LDAH: variants seen among roughly 807,000 people sequenced by gnomAD.
The protein encoded by LDAH is lipid droplet associated hydrolase, also known as lipid droplet-associated hydrolase.
Under a neutral mutation model 29.6 loss-of-function variants are expected in LDAH, and 26 were observed. The ratio of observed to expected loss-of-function variants is 0.88; its 90% CI spans 0.64 to 1.22. LDAH has a LOEUF of 1.22. LDAH is among the 50% of genes most tolerant of loss of function. The pLI is 0.00. For missense variants in LDAH, 344 were observed against 387.3 expected (o/e 0.89, Z 0.94); for synonymous variants, 117 against 133.0 (o/e 0.88, Z 0.83).
intron 1 of LDAH, among the ~76,000 whole-genome samples, chr2:20,816,928 A>C (rs1672892861): frequency 6.6e-6 from 1 of 152,060 alleles, no homozygotes. Flanking sequence ...GTAAATCACC[A>C]AACACTTGGA....
At chr2:20,784,373 C>G (rs1427243440) in intron 3 of LDAH, among the ~76,000 whole-genome samples, 1 of 152,138 alleles carries the variant, frequency 6.6e-6, no homozygotes, top group African/African-American at 2.4e-5. Flanking sequence ...CACCACTGCA[C>G]TCCAGCCTGG....
intron 1 of LDAH, among the ~76,000 whole-genome samples, chr2:20,814,034 C>A (rs1672676471): frequency 6.6e-6 from 1 of 152,076 alleles, no homozygotes; most frequent in South Asian, 2.1e-4. Flanking sequence ...TACTTCTAAA[C>A]CTTTAATCCA....
chr2:20,697,673 C>G (rs1663591531), intron 6 of LDAH, among the ~76,000 whole-genome samples: 1 of 152,200 alleles, frequency 6.6e-6, no homozygotes, highest in African/African-American at 2.4e-5. Context: ...AGTGCCTAAG[C>G]CACAACATCA....
At chr2:20,790,056 T>C (rs1249196931) in intron 3 of LDAH, among the ~76,000 whole-genome samples, 199 bp downstream of exon 3, 1 of 152,240 alleles carries the variant, frequency 6.6e-6, no homozygotes, top group East Asian at 1.9e-4. Flanking sequence ...TAGATTGTTT[T>C]ATCTACCCAT....
intron 1 of LDAH, among the ~76,000 whole-genome samples, chr2:20,810,789 C>A (rs1471200744): frequency 6.6e-6 from 1 of 152,190 alleles, no homozygotes; most frequent in Admixed American, 6.5e-5. Flanking sequence ...TGCCTGAGCT[C>A]CGCCTCATGT....
At chr2:20,731,376 C>T (rs985785862) in intron 5 of LDAH, among the ~76,000 whole-genome samples, 1 of 152,184 alleles carries the variant, frequency 6.6e-6, no homozygotes, top group African/African-American at 2.4e-5. Context: ...CCGCTCCTCC[C>T]ATGTTAGACG....
rs571168143 is a variant in LDAH at position 20,717,778 on chromosome 2, A to AGT, written c.704-16128_704-16127dup. Among the ~76,000 whole-genome samples the AGT allele has an allele frequency of 1.7e-3, 251 of 151,758 alleles. 2 individuals are homozygous for AGT. The highest frequency in any genetic ancestry group is 0.013 in the South Asian group (63 of 4,798). On this transcript the variant is annotated intron_variant, in intron 5 of 6. Transcript: ENST00000237822. ...TTGTGATCAAAGTTAGGTTGCTATC[A>AGT]GTGTGTGTGTGTGTCTGTGTGTGTT...
chr2:20,693,556 C>T (rs1404951170), intron 6 of LDAH, among the ~76,000 whole-genome samples: 5 of 152,124 alleles, frequency 3.3e-5, no homozygotes, highest in African/African-American at 1.2e-4. Context: ...ACATCCCTAT[C>T]CTCAAGCCGC....
chr2:20,787,501 C>A (rs1255540969), intron 3 of LDAH, among the ~76,000 whole-genome samples: 3 of 152,100 alleles, frequency 2.0e-5, no homozygotes, highest in African/African-American at 7.2e-5. Flanking sequence ...GCCATGTTGG[C>A]CAAGCTGGTC....
intron 6 of LDAH, among the ~76,000 whole-genome samples, chr2:20,690,699 T>C (rs575325620): frequency 3.2e-4 from 48 of 151,338 alleles, no homozygotes; most frequent in Admixed American, 7.9e-4. Flanking sequence ...TGGCGGGGGA[T>C]GGGGGAGGAG....
chr2:20,688,979 T>A (rs1424448008), intron 6 of LDAH, among the ~76,000 whole-genome samples: 1 of 151,950 alleles, frequency 6.6e-6, no homozygotes, highest in South Asian at 2.1e-4. Context: ...CCTAATGCTA[T>A]CCCTCCCCTA....
chr2:20,766,920 G>A (rs1048491709), intron 4 of LDAH, among the ~76,000 whole-genome samples: 18 of 152,318 alleles, frequency 1.2e-4, no homozygotes, highest in East Asian at 5.8e-4. Context: ...GGGGCTCTGC[G>A]CAGGGCCGCC....
intron 2 of LDAH, among the ~76,000 whole-genome samples, chr2:20,799,465 A>C (rs1671522563): frequency 6.6e-6 from 1 of 152,138 alleles, no homozygotes; most frequent in Admixed American, 6.6e-5. Context: ...ATTCACTTTG[A>C]GTATTCATCA....
intron 3 of LDAH, among the ~76,000 whole-genome samples, chr2:20,779,701 T>C (rs139832929): frequency 0.015 from 2,218 of 152,256 alleles, 57 homozygotes; most frequent in African/African-American, 0.049. Context: ...AATATTTATG[T>C]AAATATGGCA....
chr2:20,720,985 C>G (rs1031793160), intron 5 of LDAH, among the ~76,000 whole-genome samples: 1 of 152,036 alleles, frequency 6.6e-6, no homozygotes, highest in Non-Finnish European at 1.5e-5. Context: ...AAAATCAACT[C>G]AAATGGATTA....
intron 3 of LDAH, among the ~76,000 whole-genome samples, chr2:20,779,551 C>T (rs1670043623): frequency 6.6e-6 from 1 of 151,598 alleles, no homozygotes; most frequent in African/African-American, 2.4e-5. Context: ...CCATGCTATA[C>T]ATATATATAA....
chr2:20,699,301 G>C (rs916580712), intron 6 of LDAH, among the ~76,000 whole-genome samples: 1 of 152,136 alleles, frequency 6.6e-6, no homozygotes, highest in Non-Finnish European at 1.5e-5. Flanking sequence ...CCCGGGCATT[G>C]GTTTTAGTTT....
chr2:20,801,087 A>AC (rs1671628190), intron 2 of LDAH, among the ~76,000 whole-genome samples: 1 of 148,692 alleles, frequency 6.7e-6, no homozygotes, highest in Non-Finnish European at 1.5e-5. Flanking sequence ...CTGTGACACA[A>AC]ACACACACAC....
At chr2:20,744,911 G>T (rs1399592265) in intron 4 of LDAH, among the ~76,000 whole-genome samples, 1 of 152,044 alleles carries the variant, frequency 6.6e-6, no homozygotes, top group Non-Finnish European at 1.5e-5. Context: ...GTGACTGCAT[G>T]CTCTAGTAAC....
Sources: gnomAD v4.1 joint callset for allele counts (sites outside exome capture counted in the v4.1 genomes callset) on GRCh38, gnomAD v4.1.1 for gene constraint, MANE v1.5 for transcripts, NCBI Gene and HGNC (gene_info 2026-07-23, HGNC 2026-07-21) for gene names.